Variants in GFRAL observed in about 807,000 individuals in gnomAD.
The protein encoded by GFRAL is GDNF family receptor alpha like.
In GFRAL, 36 loss-of-function variants were observed where a neutral mutation model predicts 45.4. That is an observed-to-expected ratio of 0.79 (90% CI 0.61 to 1.05). The LOEUF (loss-of-function observed/expected upper bound fraction) is 1.05, where lower values mean the gene tolerates loss of function less well. GFRAL is among the 50% of genes least tolerant of loss of function. The pLI, the probability that GFRAL is intolerant of heterozygous loss-of-function variation, is 0.00. For missense variants in GFRAL, 507 were observed against 467.5 expected (o/e 1.08, Z -0.78); for synonymous variants, 166 against 154.1 (o/e 1.08, Z -0.57).
chr6:55,379,787 T>C (rs1768582911), intron 6 of GFRAL, among the ~76,000 whole-genome samples: 1 of 151,944 alleles, frequency 6.6e-6, no homozygotes, highest in African/African-American at 2.4e-5. Context: ...ACTGTAGTTA[T>C]GCATCCTTTG....
At chr6:55,339,606 T>C (rs1330608361) in intron 3 of GFRAL, among the ~76,000 whole-genome samples, 1 of 152,116 alleles carries the variant, frequency 6.6e-6, no homozygotes, top group Non-Finnish European at 1.5e-5. Context: ...GAGAGTGGAA[T>C]TTTTGAAGCC....
intron 6 of GFRAL, among the ~76,000 whole-genome samples, chr6:55,373,713 T>C (rs570709446): frequency 6.6e-6 from 1 of 152,128 alleles, no homozygotes; most frequent in African/African-American, 2.4e-5. Flanking sequence ...ACTAGGCCTT[T>C]TATGACTGGA....
intron 6 of GFRAL, among the ~76,000 whole-genome samples, chr6:55,384,118 G>A (rs1316062128): frequency 2.0e-5 from 3 of 151,974 alleles, no homozygotes; most frequent in Non-Finnish European, 4.4e-5. Flanking sequence ...ACTGGGGCCT[G>A]TTGGGGGGTT....
chr6:55,345,627 G>A (rs140833548), intron 3 of GFRAL, among the ~76,000 whole-genome samples: 80 of 152,180 alleles, frequency 5.3e-4, no homozygotes, highest in Non-Finnish European at 1.0e-3. Flanking sequence ...TCAGGAGATA[G>A]GCACGGGCAA....
chr6:55,388,193 G>T (rs1768703799), intron 6 of GFRAL, among the ~76,000 whole-genome samples: 1 of 152,138 alleles, frequency 6.6e-6, no homozygotes, highest in Non-Finnish European at 1.5e-5. Flanking sequence ...TGAGTCAGGT[G>T]GCCAGACATT....
At chr6:55,341,491 A>G (rs1399196045) in intron 3 of GFRAL, among the ~76,000 whole-genome samples, 1 of 152,236 alleles carries the variant, frequency 6.6e-6, no homozygotes, top group African/African-American at 2.4e-5. Context: ...ACTAACAAAC[A>G]GAAAGGACAT....
chr6:55,343,703 C>T (rs1185893223), intron 3 of GFRAL, among the ~76,000 whole-genome samples: 1 of 152,010 alleles, frequency 6.6e-6, no homozygotes, highest in Non-Finnish European at 1.5e-5. Context: ...GAAATAGAGA[C>T]ACAAAAAACC....
chr6:55,364,676 C>T (rs969168482), intron 6 of GFRAL, among the ~76,000 whole-genome samples: 3 of 151,394 alleles, frequency 2.0e-5, no homozygotes, highest in Non-Finnish European at 4.4e-5. Context: ...GTTTTCCCAG[C>T]ACCATTTAAT....
chr6:55,395,175 A>AAAAAT, intron 6 of GFRAL, among the ~76,000 whole-genome samples: 3 of 123,490 alleles, frequency 2.4e-5, no homozygotes, highest in Non-Finnish European at 3.2e-5. Context: ...AAAAAAAAAA[A>AAAAAT]ATATATATAT....
intron 6 of GFRAL, among the ~76,000 whole-genome samples, chr6:55,360,813 A>G (rs1339551118): frequency 6.6e-6 from 1 of 151,970 alleles, no homozygotes; most frequent in African/African-American, 2.4e-5. Context: ...ACTTATAGTA[A>G]TATATACAGT....
At chr6:55,356,586 A>G (rs62419068) in intron 5 of GFRAL, among the ~76,000 whole-genome samples, 28,913 of 151,578 alleles carry the variant, frequency 0.19, 3,152 homozygotes, top group African/African-American at 0.3. Flanking sequence ...TCATTTATTG[A>G]GGTCTTCTGT....
intron 6 of GFRAL, among the ~76,000 whole-genome samples, chr6:55,380,612 C>T (rs116105023): frequency 0.015 from 2,314 of 152,006 alleles, 33 homozygotes; most frequent in Non-Finnish European, 0.025. Flanking sequence ...GGTCCCAGAT[C>T]CTCTTTTCAC....
intron 8 of GFRAL, among the ~76,000 whole-genome samples, chr6:55,401,212 A>C (rs1202324744): frequency 6.6e-6 from 1 of 152,188 alleles, no homozygotes. Flanking sequence ...GTTACAAATT[A>C]TTTTCATATA....
chr6:55,365,144 A>T (rs1254687350), intron 6 of GFRAL, among the ~76,000 whole-genome samples: 1 of 151,226 alleles, frequency 6.6e-6, no homozygotes, highest in East Asian at 1.9e-4. Flanking sequence ...CTCCTTGAAG[A>T]GGTCCTTCAC....
rs1562046547 is a variant in GFRAL at position 55,331,804 on chromosome 6, T to C, written c.112T>C (p.Cys38Arg). Residue 38 changes from cysteine (C) to arginine (R), a missense_variant, in exon 2 of 9, where the codon TGT (cysteine) becomes CGT (arginine). Coordinates refer to ENST00000340465, the MANE Select transcript of GFRAL (RefSeq NM_207410.2). ...REQCLRDANGCKHAWRVMEDA... is the reference protein window; with the variant it reads ...REQCLRDANGRKHAWRVMEDA... The stretch of plus-strand genomic sequence containing the variant: ...GCAATGCTTACGTGATGCAAATGGA[T>C]GTAAACATGCTTGGAGAGTAATGGA... The C allele has an allele frequency of 2.5e-6, 4 of 1,611,896 alleles. No individual in the cohort carries two copies. Among genetic ancestry groups the C allele is most frequent in the Non-Finnish European group, 3.4e-6 (4 of 1,179,080 alleles).
intron 6 of GFRAL, among the ~76,000 whole-genome samples, chr6:55,391,611 A>G (rs1396740057): frequency 1.3e-5 from 2 of 152,188 alleles, no homozygotes; most frequent in African/African-American, 4.8e-5. Flanking sequence ...TTAGTAGGGC[A>G]TGGTGACATG....
At chr6:55,390,993 TAGA>T (rs1768746419) in intron 6 of GFRAL, among the ~76,000 whole-genome samples, 1 of 151,142 alleles carries the variant, frequency 6.6e-6, no homozygotes, top group Non-Finnish European at 1.5e-5. Flanking sequence ...TACAGCAAAA[TAGA>T]AGTGAATCTT....
chr6:55,401,176 CA>C (rs1231905212), intron 8 of GFRAL, among the ~76,000 whole-genome samples: 4 of 152,020 alleles, frequency 2.6e-5, no homozygotes, highest in African/African-American at 9.7e-5. Context: ...GCAAATTATT[CA>C]TACTATTAAA....
chr6:55,340,720 T>A (rs957157297), intron 3 of GFRAL, among the ~76,000 whole-genome samples: 6 of 145,976 alleles, frequency 4.1e-5, no homozygotes, highest in South Asian at 2.2e-4. Flanking sequence ...TGAAGCAGGG[T>A]GAGGCATTGC....
Sources: allele counts gnomAD v4.1 joint callset (sites outside exome capture counted in the v4.1 genomes callset), GRCh38; gene constraint gnomAD v4.1.1; transcripts MANE v1.5; gene names NCBI Gene and HGNC (gene_info 2026-07-23, HGNC 2026-07-21).